Variants in ITGA2 observed in about 807,000 individuals in gnomAD.
The protein encoded by ITGA2 is integrin alpha-2.
ITGA2 carries 101 observed loss-of-function variants against 146.3 expected under a neutral mutation model. The ratio of observed to expected loss-of-function variants is 0.69; its 90% confidence interval spans 0.59 to 0.81. ITGA2 has a LOEUF of 0.81. Ranked by LOEUF, ITGA2 falls within the 40% of genes least tolerant of loss-of-function variation. The probability of loss-of-function intolerance (pLI) is 0.00; values close to 1 mark genes in which losing one functional copy is unlikely to be tolerated. For missense variants in ITGA2, 1,281 were observed against 1,402.7 expected (o/e 0.91, Z 1.39); for synonymous variants, 477 against 487.1 (o/e 0.98, Z 0.27).
intron 1 of ITGA2, among the ~76,000 whole-genome samples, chr5:53,009,093 A>T (rs1197705097): frequency 6.6e-6 from 1 of 152,160 alleles, no homozygotes; most frequent in Non-Finnish European, 1.5e-5. Context: ...GCTTTATAGC[A>T]AGCAGTCAGC....
chr5:53,074,554 G>T lies in ITGA2; in HGVS notation c.2664+77G>T, dbSNP rs554419714. ...TGCTAATTTACCAACATAACATCTT[G>T]CTATCATGATTTGATAGGCATCACA... is the stretch of plus-strand genomic sequence containing the variant. On this transcript the variant is annotated intron_variant, in intron 21 of 29. Coordinates refer to ENST00000296585, the MANE Select transcript of ITGA2 (RefSeq NM_002203.4). 8.8e-6 allele frequency: 10 copies of T among 1,142,612 alleles called. No homozygotes were observed. In the African/African-American group the frequency reaches 1.5e-4, roughly 17 times the overall value. The allele number at this position is 1,142,612 out of a possible 1,614,324, so 70.8% of individuals were successfully genotyped here.
chr5:53,009,027 C>T (rs1323068105), intron 1 of ITGA2, among the ~76,000 whole-genome samples: 1 of 152,066 alleles, frequency 6.6e-6, no homozygotes, highest in Non-Finnish European at 1.5e-5. Flanking sequence ...CAGACAGACA[C>T]CTGCACACAG....
chr5:53,070,374 C>A, intron 17 of ITGA2, 114 bp downstream of exon 17: 3 of 918,180 alleles, frequency 3.3e-6, no homozygotes, highest in East Asian at 5.0e-5. Context: ...CCAATGAATG[C>A]CTTTCTTATG....
intron 27 of ITGA2, among the ~76,000 whole-genome samples, chr5:53,084,346 C>T (rs796116966): frequency 6.6e-5 from 10 of 151,830 alleles, no homozygotes; most frequent in African/African-American, 2.4e-4. Context: ...TACAACCAAA[C>T]GCTACTCATT....
At chr5:53,051,682 G>A in intron 7 of ITGA2, 123 bp downstream of exon 7, 1 of 999,064 alleles carries the variant, frequency 1.0e-6, no homozygotes, top group Middle Eastern at 2.8e-4. Context: ...ATTTAAATCA[G>A]AACTAATAAA....
At chr5:53,039,739 CA>C (rs1175067104) in intron 2 of ITGA2, among the ~76,000 whole-genome samples, 580 of 33,258 alleles carry the variant, frequency 0.017, 1 homozygote, top group African/African-American at 0.052. Flanking sequence ...GACTCCATCT[CA>C]AAAAAAAAAA....
intron 1 of ITGA2, among the ~76,000 whole-genome samples, chr5:53,024,630 C>G (rs1414179899): frequency 6.6e-6 from 1 of 152,102 alleles, no homozygotes; most frequent in Non-Finnish European, 1.5e-5. Context: ...CACAGAGGGC[C>G]AAGGGAGAGC....
chr5:53,074,326 C>A, intron 20 of ITGA2, 59 bp from the exon 21 acceptor site: 1 of 1,305,514 alleles, frequency 7.7e-7, no homozygotes, highest in Non-Finnish European at 1.1e-6. Context: ...CAGGTGCGTG[C>A]ATACACACAC....
rs991547657 is a variant in ITGA2 at position 53,090,991 on chromosome 5, C to T, written c.*392C>T. 1 of 454,768 alleles carries T rather than the reference C, an allele frequency of 2.2e-6. No individual in the cohort carries two copies. The highest frequency in any genetic ancestry group is 4.4e-5 in the South Asian group (1 of 22,528). 28.2% of individuals were successfully genotyped at this position (454,768 alleles called of 1,614,324 possible). The stretch of plus-strand genomic sequence containing the variant: ...AAACTGTTCTCTTTAAAATATTTGT[C>T]TTTAAACAGCAACTACAGAAGTGGA... On this transcript the variant is annotated 3_prime_UTR_variant, in exon 30 of 30. Transcript: ENST00000296585.
chr5:53,090,051 A>G lies in ITGA2; in HGVS notation c.3454A>G (p.Ile1152Val). 6.3e-7 allele frequency: 1 copy of G among 1,592,660 alleles called. No individual in the cohort carries two copies. Among genetic ancestry groups the G allele is most frequent in the African/African-American group, 1.3e-5 (1 of 74,536 alleles). Residue 1152 changes from isoleucine (I) to valine (V), a missense_variant, in exon 29 of 30, where the codon ATT becomes GTT. Around this residue, in one of 3 missense-constraint regions of ITGA2, gnomAD observed 475 missense variants for 530.5 expected, o/e 0.90. Coordinates refer to ENST00000296585, the MANE Select transcript of ITGA2 (RefSeq NM_002203.4). Reference sequence around the variant, plus strand: ...CCTTTTGCTGTTAGCTCTGGTTGCAATTTTATGGAAGGTAAGAAAAGCTTT... The same window carrying G: ...CCTTTTGCTGTTAGCTCTGGTTGCAGTTTTATGGAAGGTAAGAAAAGCTTT... ...GILLLLALVAILWKLGFFKRK... is the reference protein window; with the variant it reads ...GILLLLALVAVLWKLGFFKRK...
At chr5:53,000,933 G>T (rs1212566882) in intron 1 of ITGA2, among the ~76,000 whole-genome samples, 2 of 116,358 alleles carry the variant, frequency 1.7e-5, no homozygotes, top group Non-Finnish European at 1.6e-5. Context: ...ATGAAGTCCA[G>T]CTCTGTTGTC....
intron 15 of ITGA2, 75 bp downstream of exon 15, chr5:53,066,052 T>C: frequency 1.4e-6 from 2 of 1,384,320 alleles, no homozygotes; most frequent in Non-Finnish European, 2.1e-6. Flanking sequence ...TCTGTACTGG[T>C]ATTATAGAAA....
chr5:53,006,849 A>G (rs1258423959), intron 1 of ITGA2, among the ~76,000 whole-genome samples: 2 of 152,086 alleles, frequency 1.3e-5, no homozygotes, highest in Non-Finnish European at 2.9e-5. Context: ...AACATATTTC[A>G]ACAACAAAAA....
intron 20 of ITGA2, among the ~76,000 whole-genome samples, chr5:53,073,836 G>C (rs974387899): frequency 2.7e-5 from 4 of 149,342 alleles, no homozygotes; most frequent in African/African-American, 9.8e-5. Context: ...GAGTTAATGT[G>C]ATCTTAATAG....
chr5:53,065,977 G>A lies in ITGA2; in HGVS notation c.1943G>A (p.Trp648Ter). ...IGAFGQVVQL[W>*]SQSIADVAIE... ...GCCTTTGGACAAGTGGTTCAACTCT[G>A]GTGAGTCAGGAAGAGCCAGACACAA... The change falls in exon 15 of 30, where the codon TGG (tryptophan) becomes TAG (stop). Residue 648 changes from tryptophan to a stop codon, truncating the protein, a stop_gained and splice_region_variant. Coordinates refer to ENST00000296585, the MANE Select transcript of ITGA2 (RefSeq NM_002203.4). LOFTEE classifies it high-confidence loss of function. 1 of 1,611,676 alleles carries A rather than the reference G, an allele frequency of 6.2e-7. No individual in the cohort carries two copies. Among genetic ancestry groups the A allele is most frequent in the Non-Finnish European group, 8.5e-7 (1 of 1,178,478 alleles).
Position 53,080,510 on chromosome 5 carries a change from G to A in ITGA2, c.2929-1G>A. The A allele has an allele frequency of 1.2e-6, 2 of 1,610,254 alleles. No homozygotes were observed. The highest frequency in any genetic ancestry group is 1.7e-6 in the Non-Finnish European group (2 of 1,176,806). ...ACTGGCACATTTTATTCTCTACATA[G>A]GTAACAACAGGAAGTGTTCCAGTAA... On this transcript the variant is annotated splice_acceptor_variant, in intron 24 of 29. Transcript: ENST00000296585. LOFTEE classifies it high-confidence loss of function.
intron 21 of ITGA2, among the ~76,000 whole-genome samples, 197 bp from the exon 22 acceptor site, chr5:53,074,864 A>G (rs1472392814): frequency 6.6e-6 from 1 of 152,010 alleles, no homozygotes; most frequent in Non-Finnish European, 1.5e-5. Flanking sequence ...TTGGAAGTCA[A>G]GCTTCTCTAA....
At chr5:53,020,848 A>ATTTTTTTTTTGTTTCTTTTTTTTTTT (rs1742646418) in intron 1 of ITGA2, among the ~76,000 whole-genome samples, 1 of 133,408 alleles carries the variant, frequency 7.5e-6, no homozygotes, top group Admixed American at 7.6e-5. Flanking sequence ...TGTCCGGCTA[A>ATTTTTTTTTTGTTTCTTTTTTTTTTT]TTTTTTTTTT....
chr5:53,064,058 CTG>C (rs1414337655), intron 13 of ITGA2, among the ~76,000 whole-genome samples: 1 of 151,840 alleles, frequency 6.6e-6, no homozygotes, highest in African/African-American at 2.4e-5. Flanking sequence ...AAGAAAAAAA[CTG>C]TGTTTTACAA....
Sources: allele counts gnomAD v4.1 joint callset (sites outside exome capture counted in the v4.1 genomes callset), GRCh38; gene constraint gnomAD v4.1.1; regional missense constraint gnomAD v4.1.1; transcripts MANE v1.5; gene names NCBI Gene and HGNC (gene_info 2026-07-23, HGNC 2026-07-21).